The following CYB5A variants were observed in gnomAD, a reference collection of about 807,000 sequenced individuals.
The protein encoded by CYB5A is cytochrome b5.
Under a neutral mutation model 16.2 loss-of-function variants are expected in CYB5A, and 10 were observed. That is an observed-to-expected ratio of 0.62 (90% CI 0.38 to 1.04). CYB5A has a LOEUF of 1.04. CYB5A is among the 50% of genes least tolerant of loss of function. The pLI is 0.01. For synonymous variants in CYB5A, 62 were observed against 57.0 expected (o/e 1.09, Z -0.40); for missense variants, 161 against 165.9 (o/e 0.97, Z 0.16).
chr18:74,259,348 C>T (rs1982109238), intron 3 of CYB5A: 1 of 152,178 alleles, frequency 6.6e-6, no homozygotes, highest in South Asian at 2.1e-4. Flanking sequence ...CAGAATTTAC[C>T]ACATAAACTT....
intron 1 of CYB5A, among the ~76,000 whole-genome samples, chr18:74,290,656 C>T (rs1187527150): frequency 1.3e-5 from 2 of 152,194 alleles, no homozygotes; most frequent in East Asian, 1.9e-4. Flanking sequence ...TTGTCCCCTG[C>T]TCCCCGACTA....
intron 1 of CYB5A, among the ~76,000 whole-genome samples, chr18:74,280,569 C>A (rs1983057336): frequency 6.8e-6 from 1 of 148,058 alleles, no homozygotes; most frequent in Non-Finnish European, 1.5e-5. Flanking sequence ...CAGAGTAAGA[C>A]CCTGTCTCAA....
At chr18:74,269,593 C>G (rs146517565) in intron 1 of CYB5A, among the ~76,000 whole-genome samples, 36 of 152,324 alleles carry the variant, frequency 2.4e-4, no homozygotes, top group African/African-American at 7.5e-4. Flanking sequence ...ACTTTCCCCC[C>G]CAAAATACAC....
intron 3 of CYB5A, chr18:74,260,142 C>A (rs1476480263): frequency 6.6e-6 from 1 of 152,364 alleles, no homozygotes; most frequent in Non-Finnish European, 1.5e-5. Flanking sequence ...TCAGTGGGGT[C>A]TTGCTGTTGC....
At chr18:74,286,999 A>G (rs981005618) in intron 1 of CYB5A, among the ~76,000 whole-genome samples, 5 of 152,330 alleles carry the variant, frequency 3.3e-5, no homozygotes, top group African/African-American at 1.2e-4. Context: ...ACCAAAAAAT[A>G]TAGAGATATA....
chr18:74,266,378 T>C (rs937172148), intron 1 of CYB5A, among the ~76,000 whole-genome samples: 1 of 152,226 alleles, frequency 6.6e-6, no homozygotes, highest in Non-Finnish European at 1.5e-5. Context: ...GCCGTAACTT[T>C]TGATTCCTGT....
chr18:74,258,062 A>C (rs541640370), intron 3 of CYB5A: 1 of 152,238 alleles, frequency 6.6e-6, no homozygotes, highest in East Asian at 1.9e-4. Flanking sequence ...TTATAAGTTC[A>C]TCTAACGTAA....
At chr18:74,265,435 T>C (rs1159710865) in intron 1 of CYB5A, among the ~76,000 whole-genome samples, 4 of 152,206 alleles carry the variant, frequency 2.6e-5, no homozygotes, top group Non-Finnish European at 5.9e-5. Context: ...TGCCTAGTGG[T>C]TACCACTCAC....
At chr18:74,284,290 G>A (rs1983238257) in intron 1 of CYB5A, among the ~76,000 whole-genome samples, 1 of 148,978 alleles carries the variant, frequency 6.7e-6, no homozygotes, top group African/African-American at 2.5e-5. Context: ...AAGGTTTTAT[G>A]TGCAAAAAGC....
intron 1 of CYB5A, among the ~76,000 whole-genome samples, chr18:74,288,686 T>C (rs1212681808): frequency 6.6e-6 from 1 of 152,126 alleles, no homozygotes; most frequent in Non-Finnish European, 1.5e-5. Context: ...GCGAGTGAGC[T>C]TATTGGAGAT....
chr18:74,269,418 G>GTCTAAACACAGGA (rs1555689235), intron 1 of CYB5A, among the ~76,000 whole-genome samples: 1 of 152,056 alleles, frequency 6.6e-6, no homozygotes, highest in Admixed American at 6.6e-5. Flanking sequence ...CATCTGCGTT[G>GTCTAAACACAGGA]GCTCTCCTGA....
intron 1 of CYB5A, among the ~76,000 whole-genome samples, chr18:74,280,270 GT>G (rs1348410684): frequency 6.6e-6 from 1 of 152,098 alleles, no homozygotes; most frequent in African/African-American, 2.4e-5. Flanking sequence ...ACCTTAAAAA[GT>G]TTCACATGTC....
At chr18:74,270,633 T>C (rs191279966) in intron 1 of CYB5A, among the ~76,000 whole-genome samples, 145 of 152,326 alleles carry the variant, frequency 9.5e-4, no homozygotes, top group Non-Finnish European at 2.2e-4. Flanking sequence ...TGAGCAGGCT[T>C]CTTTTCTTGT....
At chr18:74,266,750 CA>C (rs71168468) in intron 1 of CYB5A, among the ~76,000 whole-genome samples, 117,374 of 141,950 alleles carry the variant, frequency 0.83, 47,802 homozygotes, top group Middle Eastern at 0.9. Flanking sequence ...AATTTTCTAA[CA>C]AAAAAAAAAA....
chr18:74,288,208 A>C (rs889708003), intron 1 of CYB5A, among the ~76,000 whole-genome samples: 2 of 152,226 alleles, frequency 1.3e-5, no homozygotes, highest in African/African-American at 4.8e-5. Flanking sequence ...TGCACCTGTG[A>C]GCTTCAACCT....
intron 2 of CYB5A, chr18:74,261,420 G>T: frequency 5.0e-6 from 1 of 200,150 alleles, no homozygotes; most frequent in South Asian, 9.2e-5. Flanking sequence ...TGTGTTTAAA[G>T]GCTGGCCAGG....
intron 1 of CYB5A, among the ~76,000 whole-genome samples, chr18:74,283,691 G>T (rs568613165): frequency 6.6e-6 from 1 of 152,300 alleles, no homozygotes; most frequent in African/African-American, 2.4e-5. Context: ...CTGTATCAGT[G>T]GGATGCACTT....
At chr18:74,278,124 C>T (rs1206056005) in intron 1 of CYB5A, among the ~76,000 whole-genome samples, 1 of 152,178 alleles carries the variant, frequency 6.6e-6, no homozygotes, top group African/African-American at 2.4e-5. Context: ...AAGAGGCAGG[C>T]ATTACCATTA....
At chr18:74,279,188 G>A (rs1398445511) in intron 1 of CYB5A, among the ~76,000 whole-genome samples, 1 of 152,248 alleles carries the variant, frequency 6.6e-6, no homozygotes, top group Non-Finnish European at 1.5e-5. Flanking sequence ...TGACCTAAGA[G>A]AGGCTGTTAC....
Sources: allele counts gnomAD v4.1 joint callset (sites outside exome capture counted in the v4.1 genomes callset), GRCh38; gene constraint gnomAD v4.1.1; transcripts MANE v1.5; gene names NCBI Gene and HGNC (gene_info 2026-07-23, HGNC 2026-07-21).